The following LRBA variants were observed in gnomAD, a reference collection of about 807,000 sequenced individuals.
The protein encoded by LRBA is LPS responsive beige-like anchor protein.
In LRBA, 176 loss-of-function variants were observed where a neutral mutation model predicts 330.0. The observed-to-expected ratio is 0.53, with a 90% CI of 0.47 to 0.60. The LOEUF (loss-of-function observed/expected upper bound fraction) is 0.60. Among genes scored for constraint, LRBA ranks in the 20% least tolerant of loss-of-function variants. The pLI is 0.00. For missense variants in LRBA, 3,259 were observed against 3,444.8 expected, an observed-to-expected ratio of 0.95 and a Z score of 1.35; for synonymous variants, 1,230 against 1,193.0, an observed-to-expected ratio of 1.03 and a Z score of -0.64.
At chr4:150,604,378 T>C (rs1262665105) in intron 37 of LRBA, among the ~76,000 whole-genome samples, 3 of 149,552 alleles carry the variant, frequency 2.0e-5, no homozygotes, top group Non-Finnish European at 4.4e-5. Context: ...AACTCTAGCC[T>C]GGCTGACAGA....
At chr4:150,580,013 G>C (rs1771075331) in intron 40 of LRBA, 1 of 266,034 alleles carries the variant, frequency 3.8e-6, no homozygotes, top group Non-Finnish European at 7.4e-6. Flanking sequence ...AGTGCCCTCC[G>C]GCCCAGGCAG....
chr4:150,615,519 C>T (rs1364856930), intron 37 of LRBA, among the ~76,000 whole-genome samples: 1 of 151,818 alleles, frequency 6.6e-6, no homozygotes, highest in Non-Finnish European at 1.5e-5. Flanking sequence ...AAAGAATATG[C>T]TAACAGATCA....
chr4:150,737,096 T>C (rs928087123), intron 35 of LRBA, among the ~76,000 whole-genome samples: 3 of 152,084 alleles, frequency 2.0e-5, no homozygotes, highest in Non-Finnish European at 2.9e-5. Flanking sequence ...TGCATGCCTA[T>C]GGTCCCAGCT....
In LRBA at chr4:150,848,909, C is replaced by A. The variant is rs1293430711; in HGVS notation, c.4248G>T (p.Val1416=). The part of the protein sequence containing the change: ...FLQRLISLVD[V]LIFASSLGFT... ...AGCCAAGAGAACTTGCAAATATAAG[C>A]ACATCCACAAGGCTAATTAGCCTCT... Residue 1416 remains valine (V), a synonymous_variant, in exon 26 of 57, where the codon GTG becomes GTT. Transcript: ENST00000651943. 6.2e-7 allele frequency: 1 copy of A among 1,613,046 alleles called. No individual in the cohort carries two copies. The highest frequency in any genetic ancestry group is 8.5e-7 in the Non-Finnish European group (1 of 1,179,344).
intron 34 of LRBA, among the ~76,000 whole-genome samples, chr4:150,791,612 A>ACTGTCT (rs1455342466): frequency 1.1e-4 from 17 of 152,332 alleles, no homozygotes; most frequent in African/African-American, 4.1e-4. Flanking sequence ...CAGCATTTGA[A>ACTGTCT]CTGAGCCTGA....
intron 1 of LRBA, 82 bp from the exon 2 acceptor site, chr4:151,014,943 C>T: frequency 3.5e-6 from 1 of 285,652 alleles, no homozygotes; most frequent in Non-Finnish European, 6.6e-6. Flanking sequence ...TAGTTATTGT[C>T]GGTCAAGTAA....
At chr4:150,638,013 T>C (rs1339652777) in intron 37 of LRBA, among the ~76,000 whole-genome samples, 1 of 152,168 alleles carries the variant, frequency 6.6e-6, no homozygotes, top group Non-Finnish European at 1.5e-5. Context: ...GGGGATTATA[T>C]TGAATCTATA....
At position 150,302,783 on chromosome 4, in the gene LRBA, A is replaced by C. The variant is rs777084152; in HGVS notation, c.7859T>G (p.Ile2620Ser). 12 of 1,594,636 alleles carry C rather than the reference A, an allele frequency of 7.5e-6. No individual in the cohort carries two copies. The African/African-American group carries it at 1.5e-4, about 20-fold the overall frequency. ...RVYSTDTGRL[I>S]QVVFGHWDVV... Reference sequence around the variant, plus strand: ...ATCCCAATGGCCAAACACCACTTGGATCAATCTTCCTGTAATGCAAAACAA... The same window carrying C: ...ATCCCAATGGCCAAACACCACTTGGCTCAATCTTCCTGTAATGCAAAACAA... Residue 2620 changes from isoleucine to serine, a missense_variant, in exon 53 of 57, where the codon ATC becomes AGC. Ile to Ser is a moderately radical substitution (Grantham distance 142). Coordinates refer to ENST00000651943, the MANE Select transcript of LRBA (RefSeq NM_001364905.1).
At chr4:150,759,672 CTT>C (rs146516109) in intron 35 of LRBA, among the ~76,000 whole-genome samples, 1 of 149,176 alleles carries the variant, frequency 6.7e-6, no homozygotes, top group African/African-American at 2.5e-5. Flanking sequence ...ATATAACTTA[CTT>C]TTTTTTTTAT....
At chr4:150,749,959 T>C (rs1733315860) in intron 35 of LRBA, among the ~76,000 whole-genome samples, 2 of 152,238 alleles carry the variant, frequency 1.3e-5, no homozygotes, top group Admixed American at 6.5e-5. Flanking sequence ...CCAGCCACTC[T>C]GGCCTTCAAT....
At chr4:150,651,744 G>T (rs1779726605) in intron 37 of LRBA, among the ~76,000 whole-genome samples, 1 of 152,150 alleles carries the variant, frequency 6.6e-6, no homozygotes, top group Admixed American at 6.6e-5. Flanking sequence ...ATATTCTTCA[G>T]TAGGCAATGT....
At chr4:150,871,286 G>T in intron 19 of LRBA, 59 bp downstream of exon 19, 5 of 891,088 alleles carry the variant, frequency 5.6e-6, no homozygotes, top group Non-Finnish European at 9.3e-6. Context: ...CCTACACAAT[G>T]TTAAGAGGCA....
chr4:151,007,717 C>A (rs1039239348), intron 2 of LRBA, among the ~76,000 whole-genome samples: 16 of 150,790 alleles, frequency 1.1e-4, no homozygotes, highest in African/African-American at 3.9e-4. Context: ...ATTAGCCAGG[C>A]GTGGTGGCGG....
At chr4:150,800,236 G>A (rs180673838) in intron 33 of LRBA, among the ~76,000 whole-genome samples, 33 of 152,328 alleles carry the variant, frequency 2.2e-4, no homozygotes, top group Non-Finnish European at 4.4e-5. Context: ...ACATTTCATA[G>A]TTCGGTTTGA....
intron 25 of LRBA, 91 bp downstream of exon 25, chr4:150,849,331 G>T: frequency 9.1e-7 from 1 of 1,104,000 alleles, no homozygotes; most frequent in South Asian, 1.4e-5. Flanking sequence ...CACCTACGAT[G>T]CATAGTAACC....
At chr4:150,944,434 CAT>C (rs1311197082) in intron 2 of LRBA, among the ~76,000 whole-genome samples, 1 of 152,116 alleles carries the variant, frequency 6.6e-6, no homozygotes, top group African/African-American at 2.4e-5. Flanking sequence ...AAACATGAAA[CAT>C]AAGTAACTTC....
intron 47 of LRBA, among the ~76,000 whole-genome samples, chr4:150,414,475 TA>T (rs1464337482): frequency 6.6e-6 from 1 of 152,148 alleles, no homozygotes; most frequent in African/African-American, 2.4e-5. Flanking sequence ...ATTCTACTTT[TA>T]TTTTTTAAAT....
chr4:150,341,705 A>G (rs1308964562), intron 48 of LRBA, among the ~76,000 whole-genome samples: 4 of 151,202 alleles, frequency 2.6e-5, no homozygotes, highest in Non-Finnish European at 5.9e-5. Context: ...ACATTGCCAT[A>G]TATATAATAT....
At chr4:150,378,222 A>G (rs1187697945) in intron 47 of LRBA, among the ~76,000 whole-genome samples, 1 of 152,092 alleles carries the variant, frequency 6.6e-6, no homozygotes, top group African/African-American at 2.4e-5. Flanking sequence ...TGGTTTTTGT[A>G]CTCCATTGAG....
Sources: allele counts gnomAD v4.1 joint callset (sites outside exome capture counted in the v4.1 genomes callset), GRCh38; gene constraint gnomAD v4.1.1; transcripts MANE v1.5; gene names NCBI Gene and HGNC (gene_info 2026-07-23, HGNC 2026-07-21).